Variants in SGIP1 observed in about 807,000 individuals in gnomAD.
SGIP1 encodes the protein SH3GL interacting endocytic adaptor 1.
Under a neutral mutation model 107.5 loss-of-function variants are expected in SGIP1, and 38 were observed. The ratio of observed to expected loss-of-function variants is 0.35; its 90% CI spans 0.27 to 0.46. The LOEUF (loss-of-function observed/expected upper bound fraction) is 0.46. Among genes scored for constraint, SGIP1 ranks in the 20% least tolerant of loss-of-function variants. The pLI, the probability that SGIP1 is intolerant of heterozygous loss-of-function variation, is 1.00. For missense variants in SGIP1, 929 were observed against 1,019.5 expected, an observed-to-expected ratio of 0.91 and a Z score of 1.21; for synonymous variants, 365 against 366.1, an observed-to-expected ratio of 1.00 and a Z score of 0.03.
At chr1:66,694,404 T>G (rs1336137892) in intron 17 of SGIP1, 5 of 1,578,734 alleles carry the variant, frequency 3.2e-6, no homozygotes, top group Middle Eastern at 1.7e-4. Context: ...TTTGTGTTTT[T>G]GTTTTCCATT....
Position 66,748,762 on chromosome 1 carries a change from C to T in SGIP1, c.*5667C>T, listed in dbSNP as rs779653683. ...TGCTCACCAATATTCCAGTATTTTA[C>T]AAATTGTGTTCTGGAAGATGTTCAT... On this transcript the variant is annotated 3_prime_UTR_variant, in exon 25 of 25. Coordinates refer to ENST00000371037, the MANE Select transcript of SGIP1 (RefSeq NM_032291.4). Among the ~76,000 whole-genome samples, 9 of 151,908 alleles carry T rather than the reference C, an allele frequency of 5.9e-5. No individual in the cohort carries two copies. Among genetic ancestry groups the T allele is most frequent in the Non-Finnish European group, 1.2e-4 (8 of 67,844 alleles).
rs2053027191 is a variant in SGIP1 at position 66,534,201 on chromosome 1, T to A, written c.-158T>A. On this transcript the variant is annotated 5_prime_UTR_variant, in exon 1 of 25. The change abolishes an upstream ATG in the 5' untranslated region. Coordinates refer to ENST00000371037, the MANE Select transcript of SGIP1 (RefSeq NM_032291.4). ...GGTGAAGAAGCACCAGCAGCATCCA[T>A]GGCCTGTCTTTTGGCTTAACACTTA... The A allele has an allele frequency of 4.2e-6, 3 of 708,096 alleles. No homozygotes were observed. The highest frequency in any genetic ancestry group is 7.5e-6 in the Non-Finnish European group (3 of 397,646). 43.9% of individuals were successfully genotyped at this position (708,096 alleles called of 1,614,324 possible). A position where few individuals can be genotyped will look rare whatever the true frequency, so the allele number is the denominator to read the frequency against.
intron 2 of SGIP1, among the ~76,000 whole-genome samples, chr1:66,631,505 CA>C (rs1459664728): frequency 6.6e-6 from 1 of 152,116 alleles, no homozygotes; most frequent in Non-Finnish European, 1.5e-5. Context: ...TCTGTGTGGA[CA>C]CAGAACTCAC....
chr1:66,723,472 C>T (rs781637125), intron 19 of SGIP1, among the ~76,000 whole-genome samples: 15 of 152,134 alleles, frequency 9.9e-5, no homozygotes, highest in Non-Finnish European at 1.9e-4. Flanking sequence ...ACACATCTCC[C>T]GCTATTAGTT....
At chr1:66,731,172 C>T (rs918496371) in intron 20 of SGIP1, among the ~76,000 whole-genome samples, 2 of 152,194 alleles carry the variant, frequency 1.3e-5, no homozygotes, top group Non-Finnish European at 2.9e-5. Flanking sequence ...CCATCTCCCC[C>T]ACAAGACTGT....
At chr1:66,599,390 A>C (rs2065320111) in intron 1 of SGIP1, among the ~76,000 whole-genome samples, 1 of 148,590 alleles carries the variant, frequency 6.7e-6, no homozygotes, top group Admixed American at 6.7e-5. Flanking sequence ...GACTTGCCCA[A>C]ATCTACACCA....
At chr1:66,589,216 A>G (rs370939472) in intron 1 of SGIP1, among the ~76,000 whole-genome samples, 9,323 of 95,848 alleles carry the variant, frequency 0.097, 1,097 homozygotes, top group African/African-American at 0.17. Context: ...ATATATATAT[A>G]TGTAAGGCTT....
At chr1:66,626,420 A>G (rs1252132600) in intron 2 of SGIP1, among the ~76,000 whole-genome samples, 2 of 152,174 alleles carry the variant, frequency 1.3e-5, no homozygotes, top group African/African-American at 4.8e-5. Context: ...GAATTATTGG[A>G]TATTTAGCAG....
intron 10 of SGIP1, 77 bp downstream of exon 10, chr1:66,671,096 A>G: frequency 1.4e-6 from 1 of 700,026 alleles, no homozygotes; most frequent in Non-Finnish European, 2.3e-6. Context: ...GAGTATATGT[A>G]CATATGAATT....
intron 18 of SGIP1, among the ~76,000 whole-genome samples, chr1:66,702,606 CA>C (rs2092053448): frequency 6.6e-6 from 1 of 152,154 alleles, no homozygotes; most frequent in Non-Finnish European, 1.5e-5. Flanking sequence ...ATCCAAGATG[CA>C]TTTGTTTCTC....
intron 1 of SGIP1, among the ~76,000 whole-genome samples, chr1:66,576,167 AAAG>A (rs758835614): frequency 3.9e-5 from 6 of 152,238 alleles, no homozygotes; most frequent in Admixed American, 6.5e-5. Flanking sequence ...AGTTGTTAAC[AAAG>A]AAGGAGGTAC....
intron 4 of SGIP1, among the ~76,000 whole-genome samples, chr1:66,637,474 T>G (rs1265461772): frequency 7.3e-6 from 1 of 137,768 alleles, no homozygotes; most frequent in African/African-American, 2.5e-5. Context: ...TGTGTGTGTG[T>G]GTGTGTGTGT....
chr1:66,603,838 T>C (rs1208315169), intron 1 of SGIP1, among the ~76,000 whole-genome samples: 1 of 152,212 alleles, frequency 6.6e-6, no homozygotes, highest in African/African-American at 2.4e-5. Context: ...ATGGAGTATT[T>C]TGTTTTCATT....
Position 66,625,892 on chromosome 1 carries a change from A to G in SGIP1, c.56A>G (p.Glu19Gly). 1 of 1,612,634 alleles carries G rather than the reference A, an allele frequency of 6.2e-7. No individual in the cohort carries two copies. Among genetic ancestry groups the G allele is most frequent in the Non-Finnish European group, 8.5e-7 (1 of 1,179,088 alleles). Residue 19 changes from glutamate (E) to glycine (G), a missense_variant, in exon 2 of 25, where the codon GAA (glutamate) becomes GGA (glycine). By Grantham distance (98) the Glu-to-Gly change is moderately conservative. Coordinates refer to ENST00000371037, the MANE Select transcript of SGIP1 (RefSeq NM_032291.4). ...TRKAFGIRKK[E>G]KDTDSTGSPD... Reference sequence around the variant, plus strand: ...AAGGCCTTTGGAATACGGAAGAAAGAAAAGGACACTGATTCTACGTATGTA... The same window carrying G: ...AAGGCCTTTGGAATACGGAAGAAAGGAAAGGACACTGATTCTACGTATGTA...
At chr1:66,554,765 T>C (rs2148336290) in intron 1 of SGIP1, among the ~76,000 whole-genome samples, 1 of 152,232 alleles carries the variant, frequency 6.6e-6, no homozygotes, top group Non-Finnish European at 1.5e-5. Flanking sequence ...AAGACACTTC[T>C]GGGTCCCAAG....
chr1:66,717,143 A>C (rs752895717), intron 18 of SGIP1, among the ~76,000 whole-genome samples: 2 of 152,154 alleles, frequency 1.3e-5, no homozygotes, highest in Non-Finnish European at 2.9e-5. Flanking sequence ...ACTGTATTTG[A>C]ATGTAGATTT....
intron 1 of SGIP1, among the ~76,000 whole-genome samples, chr1:66,539,980 C>T (rs1385524092): frequency 6.6e-6 from 1 of 152,134 alleles, no homozygotes; most frequent in African/African-American, 2.4e-5. Flanking sequence ...ATCCTTAGCT[C>T]TTGGCACACT....
At position 66,589,632 on chromosome 1, in the gene SGIP1, A is replaced by G. The variant is rs138994082; in HGVS notation, c.11-36215A>G. The stretch of plus-strand genomic sequence containing the variant: ...CTGTGAAAAACACTCTCCTGATGCC[A>G]TATTTGTTTGTATGTAATTACCCCC... On this transcript the variant is annotated intron_variant, in intron 1 of 24. Coordinates refer to ENST00000371037, the MANE Select transcript of SGIP1 (RefSeq NM_032291.4). 1.1e-3 allele frequency among the ~76,000 whole-genome samples: 171 copies of G among 152,268 alleles called. 2 individuals are homozygous for G. Among genetic ancestry groups the G allele is most frequent in the Admixed American group, 9.3e-3 (142 of 15,286 alleles).
intron 19 of SGIP1, among the ~76,000 whole-genome samples, chr1:66,724,134 G>A (rs1572272884): frequency 6.6e-6 from 1 of 152,168 alleles, no homozygotes; most frequent in African/African-American, 2.4e-5. Context: ...TGAGAGAGAT[G>A]CATCTCTGAT....
Sources: allele counts gnomAD v4.1 joint callset (sites outside exome capture counted in the v4.1 genomes callset), GRCh38; gene constraint gnomAD v4.1.1; transcripts MANE v1.5; gene names NCBI Gene and HGNC (gene_info 2026-07-23, HGNC 2026-07-21).